The following ZNF207 variants were observed in gnomAD, a reference collection of about 807,000 sequenced individuals.
ZNF207 encodes the protein BUB3-interacting and GLEBS motif-containing protein ZNF207.
In ZNF207, 24 loss-of-function variants were observed where a neutral mutation model predicts 60.2. The observed-to-expected ratio is 0.40, with a 90% CI of 0.29 to 0.56. The LOEUF (loss-of-function observed/expected upper bound fraction) is 0.56, where lower values mean the gene tolerates loss of function less well. Among genes scored for constraint, ZNF207 ranks in the 20% least tolerant of loss-of-function variants. The pLI, the probability that ZNF207 is intolerant of heterozygous loss-of-function variation, is 0.49. For missense variants in ZNF207, 452 were observed against 636.6 expected, an observed-to-expected ratio of 0.71 and a Z score of 3.12; for synonymous variants, 236 against 194.7, an observed-to-expected ratio of 1.21 and a Z score of -1.77.
chr17:32,360,578 T>G lies in ZNF207; in HGVS notation c.308-20T>G, dbSNP rs376069405. The G allele has an allele frequency of 4.4e-6, 7 of 1,578,710 alleles. No individual in the cohort carries two copies. Among genetic ancestry groups the G allele is most frequent in the Non-Finnish European group, 6.0e-6 (7 of 1,166,176 alleles). On this transcript the variant is annotated intron_variant, in intron 3 of 11. Coordinates refer to ENST00000394670, the MANE Select transcript of ZNF207 (RefSeq NM_001098507.2). ...TTTCTTAGTTTTTACTCTATGGAAA[T>G]AATTTTTTTTTTTTAACAGAAAGTC... is the stretch of plus-strand genomic sequence containing the variant.
chr17:32,363,027 T>C (rs1253028789), intron 7 of ZNF207, 43 bp downstream of exon 7: 2 of 1,560,656 alleles, frequency 1.3e-6, no homozygotes, highest in African/African-American at 2.8e-5. Flanking sequence ...GTACAGGCTT[T>C]ATTTCTAAGT....
chr17:32,369,130 A>C, intron 10 of ZNF207, 165 bp from the exon 11 acceptor site: 1 of 631,534 alleles, frequency 1.6e-6, no homozygotes, highest in Non-Finnish European at 2.6e-6. Context: ...AGGTATCTAG[A>C]GTTTAAGTAG....
chr17:32,380,439 T>C lies in ZNF207; in HGVS notation c.*10680T>C, dbSNP rs181122900. On this transcript the variant is annotated 3_prime_UTR_variant, in exon 12 of 12. Transcript: ENST00000394670. ...TACTAATTTTATATTTCAAGCTTTT[T>C]GCAGGGTAGAAATAAGTGGCTGTTA... is the stretch of plus-strand genomic sequence containing the variant. The C allele has an allele frequency of 6.2e-4, 94 of 152,342 alleles. 3 individuals carry two copies. The highest frequency in any genetic ancestry group is 5.8e-3 in the Admixed American group (88 of 15,304). 9.4% of individuals were successfully genotyped at this position (152,342 alleles called of 1,614,324 possible).
chr17:32,357,226 A>G (rs920871323), intron 2 of ZNF207, among the ~76,000 whole-genome samples: 1 of 151,442 alleles, frequency 6.6e-6, no homozygotes, highest in African/African-American at 2.4e-5. Flanking sequence ...CATTAGTTAC[A>G]AGTGATACTG....
chr17:32,360,509 T>C, intron 3 of ZNF207, 89 bp from the exon 4 acceptor site: 2 of 1,255,320 alleles, frequency 1.6e-6, no homozygotes, highest in East Asian at 5.1e-5. Context: ...TGAAGTAATT[T>C]TACCCATATA....
In ZNF207 at chr17:32,373,664, A is replaced by G. The variant is rs2150806347; in HGVS notation, c.*3905A>G. 2.7e-6 allele frequency: 1 copy of G among 369,618 alleles called. No individual in the cohort carries two copies. Among genetic ancestry groups the G allele is most frequent in the Non-Finnish European group, 4.8e-6 (1 of 209,418 alleles). The allele number at this position is 369,618 out of a possible 1,614,324, so 22.9% of individuals were successfully genotyped here. A position where few individuals can be genotyped will look rare whatever the true frequency, so the allele number is the denominator to read the frequency against. ...ACATAAGTATTTCATATGCAATTTT[A>G]TGTAATTTGCTGTGTGTTACATAAT... On this transcript the variant is annotated 3_prime_UTR_variant, in exon 12 of 12. Transcript: ENST00000394670.
At chr17:32,357,436 C>T (rs1904603830) in intron 2 of ZNF207, among the ~76,000 whole-genome samples, 1 of 149,428 alleles carries the variant, frequency 6.7e-6, no homozygotes, top group Admixed American at 6.7e-5. Flanking sequence ...GTAACCTCTG[C>T]CTCCCGTGTT....
intron 7 of ZNF207, among the ~76,000 whole-genome samples, chr17:32,364,833 G>A (rs1905088696): frequency 6.6e-6 from 1 of 152,198 alleles, no homozygotes; most frequent in Non-Finnish European, 1.5e-5. Context: ...AAAGAATACA[G>A]AATAATAATT....
rs1167849855 is a variant in ZNF207 at position 32,374,212 on chromosome 17, C to CTTTTTTTTTTT, written c.*4468_*4478dup. ...ACCGCGCCTGGCCAAAATCTGCATT[C>CTTTTTTTTTTT]TTTTTTTTTTTTTTTTTTTTTTTTT... On this transcript the variant is annotated 3_prime_UTR_variant, in exon 12 of 12. Coordinates refer to ENST00000394670, the MANE Select transcript of ZNF207 (RefSeq NM_001098507.2). 1 of 66,224 alleles carries CTTTTTTTTTTT rather than the reference C, an allele frequency of 1.5e-5. No individual in the cohort carries two copies. Among genetic ancestry groups the CTTTTTTTTTTT allele is most frequent in the African/African-American group, 5.6e-5 (1 of 17,992 alleles). 4.1% of individuals were successfully genotyped at this position (66,224 alleles called of 1,614,324 possible). A position where few individuals can be genotyped will look rare whatever the true frequency, so the allele number is the denominator to read the frequency against.
In ZNF207 at chr17:32,378,884, T is replaced by C. The variant is rs897444084; in HGVS notation, c.*9125T>C. On this transcript the variant is annotated 3_prime_UTR_variant, in exon 12 of 12. Coordinates refer to ENST00000394670, the MANE Select transcript of ZNF207 (RefSeq NM_001098507.2). ...CATCCTAATCTGATAGTAGGATGTA[T>C]GGCTTCTTCCTTTTCACCTTGTGTG... is the stretch of plus-strand genomic sequence containing the variant. The C allele has an allele frequency of 2.0e-5, 3 of 152,092 alleles. No individual in the cohort carries two copies. The highest frequency in any genetic ancestry group is 7.2e-5 in the African/African-American group (3 of 41,454). 9.4% of individuals were successfully genotyped at this position (152,092 alleles called of 1,614,324 possible).
intron 7 of ZNF207, among the ~76,000 whole-genome samples, chr17:32,364,845 A>G (rs1174307042): frequency 6.6e-6 from 1 of 152,218 alleles, no homozygotes; most frequent in Non-Finnish European, 1.5e-5. Flanking sequence ...ATAATAATTG[A>G]TGTTCATTTG....
rs1567831293 is a variant in ZNF207 at position 32,374,220 on chromosome 17, T to TTG, written c.*4462_*4463insGT. 4 of 132,226 alleles carry TTG rather than the reference T, an allele frequency of 3.0e-5. No homozygotes were observed. Among genetic ancestry groups the TTG allele is most frequent in the African/African-American group, 8.8e-5 (3 of 33,902 alleles). The allele number at this position is 132,226 out of a possible 1,614,324, so 8.2% of individuals were successfully genotyped here. ...TGGCCAAAATCTGCATTCTTTTTTT[T>TTG]TTTTTTTTTTTTTTTTTGAGACTGT... On this transcript the variant is annotated 3_prime_UTR_variant, in exon 12 of 12. Transcript: ENST00000394670.
intron 2 of ZNF207, among the ~76,000 whole-genome samples, chr17:32,353,497 G>A (rs893505976): frequency 1.3e-5 from 2 of 151,816 alleles, no homozygotes; most frequent in Non-Finnish European, 2.9e-5. Context: ...ATTTTAAAAT[G>A]TTGACCAGAT....
rs1905410388 is a variant in ZNF207 at position 32,370,313 on chromosome 17, A to C, written c.*554A>C. On this transcript the variant is annotated 3_prime_UTR_variant, in exon 12 of 12. Coordinates refer to ENST00000394670, the MANE Select transcript of ZNF207 (RefSeq NM_001098507.2). ...GTCATGTGACTTTTCTGTACTGTTA[A>C]ACTTCATTGTAATAAAATGAGAGAA... 6.5e-6 allele frequency: 1 copy of C among 152,690 alleles called. No homozygotes were observed. The allele number at this position is 152,690 out of a possible 1,614,324, so 9.5% of individuals were successfully genotyped here. A position where few individuals can be genotyped will look rare whatever the true frequency, so the allele number is the denominator to read the frequency against.
chr17:32,357,322 T>C (rs1904564577), intron 2 of ZNF207, among the ~76,000 whole-genome samples: 1 of 54,458 alleles, frequency 1.8e-5, no homozygotes, highest in South Asian at 4.7e-4. Flanking sequence ...ATTATTATTA[T>C]TATTATTATT....
rs1905845811 is a variant in ZNF207, at chr17:32,380,652, A to AAT, written c.*10893_*10894insAT. On this transcript the variant is annotated 3_prime_UTR_variant, in exon 12 of 12. Coordinates refer to ENST00000394670, the MANE Select transcript of ZNF207 (RefSeq NM_001098507.2). The stretch of plus-strand genomic sequence containing the variant: ...AATCAGTTAATAATAGTAAAGTGGT[A>AAT]TTAACCCAATACTTGATTTGCAGTT... The AAT allele has an allele frequency of 2.0e-5, 3 of 152,254 alleles. No individual in the cohort carries two copies. The highest frequency in any genetic ancestry group is 7.2e-5 in the African/African-American group (3 of 41,470). 9.4% of individuals were successfully genotyped at this position (152,254 alleles called of 1,614,324 possible).
At chr17:32,368,268 TCTTAA>T (rs1905291132) in intron 10 of ZNF207, 1 of 483,036 alleles carries the variant, frequency 2.1e-6, no homozygotes, top group Non-Finnish European at 3.6e-6. Context: ...TAAGTCAGGT[TCTTAA>T]CTCTCTTAAA....
intron 11 of ZNF207, 29 bp downstream of exon 11, chr17:32,369,483 T>C (rs1247271769): frequency 5.6e-6 from 9 of 1,608,742 alleles, no homozygotes; most frequent in African/African-American, 1.3e-5. Flanking sequence ...TTTTCATATT[T>C]AGTGGATTTT....
At chr17:32,364,361 C>CTTTTTT (rs397858000) in intron 7 of ZNF207, among the ~76,000 whole-genome samples, 1 of 137,384 alleles carries the variant, frequency 7.3e-6, no homozygotes. Context: ...GTTTTTTTTT[C>CTTTTTT]TTTTTTTTTT....
Sources: gnomAD v4.1 joint callset for allele counts (sites outside exome capture counted in the v4.1 genomes callset) on GRCh38, gnomAD v4.1.1 for gene constraint, MANE v1.5 for transcripts, NCBI Gene and HGNC (gene_info 2026-07-23, HGNC 2026-07-21) for gene names.